ANXA7: variants seen among roughly 807,000 people sequenced by gnomAD.
ANXA7 encodes the protein annexin VII.
ANXA7 carries 55 observed loss-of-function variants against 64.9 expected under a neutral mutation model. That is an observed-to-expected ratio of 0.85 (90% CI 0.68 to 1.06). The LOEUF (loss-of-function observed/expected upper bound fraction) is 1.06. Among genes scored for constraint, ANXA7 ranks in the 50% least tolerant of loss-of-function variants. ANXA7 has a pLI of 0.00. For synonymous variants in ANXA7, 200 were observed against 192.4 expected (o/e 1.04, Z -0.33); for missense variants, 548 against 582.1 (o/e 0.94, Z 0.60).
At chr10:73,379,355 G>A (rs555961876) in intron 11 of ANXA7, among the ~76,000 whole-genome samples, 4 of 152,100 alleles carry the variant, frequency 2.6e-5, no homozygotes, top group Non-Finnish European at 5.9e-5. Context: ...ATACCAAAGT[G>A]TTACTAATAC....
chr10:73,404,974 C>A (rs945999618), intron 1 of ANXA7, among the ~76,000 whole-genome samples: 1 of 151,180 alleles, frequency 6.6e-6, no homozygotes, highest in Non-Finnish European at 1.5e-5. Context: ...TAGGGCCGGG[C>A]GCGGTGGCTC....
chr10:73,376,324 G>T (rs1296857372), intron 12 of ANXA7, 107 bp from the exon 13 acceptor site: 9 of 1,078,490 alleles, frequency 8.3e-6, no homozygotes, highest in Non-Finnish European at 7.6e-6. Flanking sequence ...ACTTGGGGGG[G>T]AAAACACCAA....
chr10:73,388,207 C>T (rs1171331034), intron 6 of ANXA7, 105 bp downstream of exon 6: 1 of 771,210 alleles, frequency 1.3e-6, no homozygotes, highest in Non-Finnish European at 2.2e-6. Context: ...CAGGTATGCG[C>T]ACCCAGGCTG....
chr10:73,401,534 C>T (rs2055665112), intron 1 of ANXA7, among the ~76,000 whole-genome samples: 2 of 152,056 alleles, frequency 1.3e-5, no homozygotes, highest in Admixed American at 1.3e-4. Context: ...GAGTCTCACC[C>T]TGTTGCCCAG....
rs1564518296 is a variant in ANXA7, at chr10:73,375,926, G to A, written c.*169C>T. On this transcript the variant is annotated 3_prime_UTR_variant, in exon 13 of 13. Transcript: ENST00000372921. ...GTATGTAGAGAACAAAATAAAATTA[G>A]AATTAAGGCAATAACAACATGTGCA... is the stretch of plus-strand genomic sequence containing the variant. 1 of 458,312 alleles carries A rather than the reference G, an allele frequency of 2.2e-6. No individual in the cohort carries two copies. Among genetic ancestry groups the A allele is most frequent in the East Asian group, 3.5e-5 (1 of 28,910 alleles). The allele number at this position is 458,312 out of a possible 1,614,324, so 28.4% of individuals were successfully genotyped here.
intron 12 of ANXA7, among the ~76,000 whole-genome samples, chr10:73,378,549 T>C (rs1469584030): frequency 6.6e-6 from 1 of 152,166 alleles, no homozygotes; most frequent in Non-Finnish European, 1.5e-5. Context: ...TAAATTTAAA[T>C]AATGTTGATA....
chr10:73,398,148 C>T (rs758627095), intron 3 of ANXA7, 33 bp downstream of exon 3: 4 of 1,586,160 alleles, frequency 2.5e-6, no homozygotes, highest in Non-Finnish European at 3.4e-6. Context: ...ACAGCAATCC[C>T]AATCATTACT....
At chr10:73,390,697 T>TATATATATATATATATATATATATAA (rs2055459758) in intron 5 of ANXA7, among the ~76,000 whole-genome samples, 1 of 131,308 alleles carries the variant, frequency 7.6e-6, no homozygotes, top group East Asian at 2.4e-4. Flanking sequence ...TTGTAAAATA[T>TATATATATATATATATATATATATAA]ATATATATAT....
Position 73,412,814 on chromosome 10 carries a change from A to T in ANXA7, c.-2+1198T>A, listed in dbSNP as rs201470249. Reference sequence around the variant, plus strand: ...CTCGGGCTTTTTTTTTTTTTTTTTTAAACATTCTCTGTTAGCAATCACTTT... The same window carrying T: ...CTCGGGCTTTTTTTTTTTTTTTTTTTAACATTCTCTGTTAGCAATCACTTT... On this transcript the variant is annotated intron_variant, in intron 1 of 12. Coordinates refer to ENST00000372921, the MANE Select transcript of ANXA7 (RefSeq NM_001156.5). 6.9e-3 allele frequency among the ~76,000 whole-genome samples: 869 copies of T among 125,148 alleles called. 15 individuals are homozygous for T. Among genetic ancestry groups the T allele is most frequent in the African/African-American group, 0.032 (828 of 25,942 alleles). 82.1% of individuals were successfully genotyped at this position (125,148 alleles called of 152,430 possible). A position where few individuals can be genotyped will look rare whatever the true frequency, so the allele number is the denominator to read the frequency against.
chr10:73,377,590 A>C (rs1471670500), intron 12 of ANXA7: 1 of 151,744 alleles, frequency 6.6e-6, no homozygotes, highest in African/African-American at 2.4e-5. Context: ...AAAAAAAAAA[A>C]AAAAAAAACA....
At chr10:73,391,669 A>G (rs1450679497) in intron 5 of ANXA7, among the ~76,000 whole-genome samples, 1 of 152,188 alleles carries the variant, frequency 6.6e-6, no homozygotes, top group East Asian at 1.9e-4. Context: ...TAACAGAATT[A>G]GAGAACTGGA....
intron 7 of ANXA7, among the ~76,000 whole-genome samples, chr10:73,387,169 G>A (rs2055387653): frequency 6.6e-6 from 1 of 152,126 alleles, no homozygotes; most frequent in African/African-American, 2.4e-5. Context: ...ATATGTGACT[G>A]GGGTAAGGTA....
intron 5 of ANXA7, among the ~76,000 whole-genome samples, chr10:73,394,705 T>C (rs958143315): frequency 2.0e-5 from 3 of 152,010 alleles, no homozygotes; most frequent in African/African-American, 4.8e-5. Context: ...CACCAGGGAC[T>C]GTCGTGGGGT....
intron 5 of ANXA7, chr10:73,395,904 C>T (rs1448346495): frequency 5.5e-6 from 4 of 721,834 alleles, no homozygotes; most frequent in Non-Finnish European, 1.0e-5. Context: ...TAAAGCCCTA[C>T]CTATTATTAC....
Position 73,379,025 on chromosome 10 carries a change from T to G in ANXA7, c.1166-2A>C. The G allele has an allele frequency of 6.3e-7, 1 of 1,597,376 alleles. No homozygotes were observed. Among genetic ancestry groups the G allele is most frequent in the Non-Finnish European group, 8.5e-7 (1 of 1,170,524 alleles). On this transcript the variant is annotated splice_acceptor_variant, in intron 11 of 12. Transcript: ENST00000372921. LOFTEE classifies it high-confidence loss of function. Reference sequence around the variant, plus strand: ...CAGGGCGGTTCAGGGCACACTGCACTGCAAGTTAGAGATGGTTGAGACATG... The same window carrying G: ...CAGGGCGGTTCAGGGCACACTGCACGGCAAGTTAGAGATGGTTGAGACATG...
Position 73,380,093 on chromosome 10 carries a change from T to G in ANXA7, c.1027A>C (p.Asn343His), listed in dbSNP as rs61732391. The G allele has an allele frequency of 4.3e-6, 7 of 1,614,070 alleles. No individual in the cohort carries two copies. The African/African-American group carries it at 9.3e-5, about 22-fold the overall frequency. Residue 343 changes from asparagine to histidine, a missense_variant, in exon 10 of 13, where the codon AAC (asparagine) becomes CAC (histidine). Coordinates refer to ENST00000372921, the MANE Select transcript of ANXA7 (RefSeq NM_001156.5). ...GRLGTDESCF[N>H]MILATRSFPQ... ...AAGCTTCTTGTGGCAAGGATCATGT[T>G]AAAGCAAGATTCATCGGTCCCTAGT...
intron 1 of ANXA7, among the ~76,000 whole-genome samples, chr10:73,406,679 C>G (rs2055762883): frequency 6.6e-6 from 1 of 152,150 alleles, no homozygotes; most frequent in Non-Finnish European, 1.5e-5. Context: ...AGATGATCCT[C>G]TCATCTCAGT....
Position 73,383,212 on chromosome 10 carries a change from G to C in ANXA7, c.881C>G (p.Ser294Ter). Residue 294 changes from serine to a stop codon, truncating the protein, a stop_gained, in exon 9 of 13, where the codon TCA becomes TGA. Coordinates refer to ENST00000372921, the MANE Select transcript of ANXA7 (RefSeq NM_001156.5). LOFTEE classifies it high-confidence loss of function. ...DLEKDIRSDT[S>*]GHFERLLVSM... is the part of the protein sequence containing the mutation. ...CACAAGTAAACGTTCAAAATGTCCT[G>C]ATGTATCTGACCTAATGTCCTTTTC... The C allele has an allele frequency of 8.7e-6, 14 of 1,614,012 alleles. No individual in the cohort carries two copies. Among genetic ancestry groups the C allele is most frequent in the Non-Finnish European group, 1.2e-5 (14 of 1,179,950 alleles).
rs546335054 is a variant in ANXA7, at chr10:73,380,767, A to G, written c.919-566T>C. ...TTAAACCCAAAATGTTTAAACAAAA[A>G]TATCTCTACTAGGAGATATTAACTA... On this transcript the variant is annotated intron_variant, in intron 9 of 12. Transcript: ENST00000372921. Among the ~76,000 whole-genome samples the G allele has an allele frequency of 6.6e-5, 10 of 152,308 alleles. No individual in the cohort carries two copies. The East Asian group carries it at 1.9e-3, about 29-fold the overall frequency.
Sources: allele counts gnomAD v4.1 joint callset (sites outside exome capture counted in the v4.1 genomes callset), GRCh38; gene constraint gnomAD v4.1.1; transcripts MANE v1.5; gene names NCBI Gene and HGNC (gene_info 2026-07-23, HGNC 2026-07-21).